The following HDAC2 variants were observed in gnomAD, a reference collection of about 807,000 sequenced individuals.
HDAC2 encodes histone deacetylase 2.
A neutral mutation model predicts 68.5 loss-of-function variants in HDAC2; 5 were observed. The ratio of observed to expected loss-of-function variants is 0.07; its 90% CI spans 0.04 to 0.15. The LOEUF (loss-of-function observed/expected upper bound fraction) is 0.15. Ranked by LOEUF, HDAC2 falls within the 10% of genes least tolerant of loss-of-function variation. HDAC2 has a pLI of 1.00. For synonymous variants in HDAC2, 182 were observed against 191.3 expected (o/e 0.95, Z 0.40); for missense variants, 291 against 600.8 (o/e 0.48, Z 5.39).
intron 2 of HDAC2, among the ~76,000 whole-genome samples, chr6:113,959,193 T>C (rs1329588770): frequency 6.6e-6 from 1 of 152,130 alleles, no homozygotes. Context: ...ATCTTCCTTG[T>C]TCCGAAGAGC....
chr6:113,962,438 G>T, intron 1 of HDAC2: 1 of 500,974 alleles, frequency 2.0e-6, no homozygotes, highest in Non-Finnish European at 2.6e-6. Flanking sequence ...TTTAAATAAA[G>T]GCTTAGGGTC....
chr6:113,946,098 T>C lies in HDAC2; in HGVS notation c.892A>G (p.Met298Val). 3 of 1,612,966 alleles carry C rather than the reference T, an allele frequency of 1.9e-6. No individual in the cohort carries two copies. Among genetic ancestry groups the C allele is most frequent in the South Asian group, 1.1e-5 (1 of 91,074 alleles). Residue 298 changes from methionine (M) to valine (V), a missense_variant, in exon 9 of 14, where the codon ATG (methionine) becomes GTG (valine). Transcript: ENST00000519065. ...ATTGTGTAGCCACCTCCTCCAAGCATCAGTAATGGTAAGTTAAAAGTTTTT... is the reference window on the plus strand; with the variant it reads ...ATTGTGTAGCCACCTCCTCCAAGCACCAGTAATGGTAAGTTAAAAGTTTTT... ...VVKTFNLPLL[M>V]LGGGGYTIRN... is the part of the protein sequence containing the mutation.
chr6:113,965,570 G>A (rs868245672), intron 1 of HDAC2, among the ~76,000 whole-genome samples: 4 of 151,888 alleles, frequency 2.6e-5, no homozygotes, highest in Non-Finnish European at 4.4e-5. Flanking sequence ...AGAGGGTTTC[G>A]CCATGTTGGC....
chr6:113,944,777 A>T (rs893673512), intron 10 of HDAC2, among the ~76,000 whole-genome samples: 1 of 152,214 alleles, frequency 6.6e-6, no homozygotes, highest in African/African-American at 2.4e-5. Context: ...TACAAGCATA[A>T]GCCACCTTGA....
At chr6:113,964,854 T>G (rs189902043) in intron 1 of HDAC2, among the ~76,000 whole-genome samples, 32 of 152,350 alleles carry the variant, frequency 2.1e-4, no homozygotes, top group Non-Finnish European at 1.0e-4. Context: ...ACCACCTAAC[T>G]GCTCAATCCA....
At chr6:113,957,871 C>G (rs915818781) in intron 3 of HDAC2, among the ~76,000 whole-genome samples, 3 of 151,848 alleles carry the variant, frequency 2.0e-5, no homozygotes, top group Non-Finnish European at 4.4e-5. Context: ...CTACTCATGC[C>G]TCTTTTGCAT....
chr6:113,962,361 A>G (rs759655235), intron 1 of HDAC2: 1 of 907,028 alleles, frequency 1.1e-6, no homozygotes, highest in Non-Finnish European at 1.3e-6. Flanking sequence ...TGTCAAGGAC[A>G]CTTACAGATT....
At chr6:113,963,425 C>G (rs12660414) in intron 1 of HDAC2, among the ~76,000 whole-genome samples, 33,998 of 152,024 alleles carry the variant, frequency 0.22, 3,992 homozygotes, top group East Asian at 0.3. Context: ...AGTTTTAAGA[C>G]CCTACAATTT....
chr6:113,943,660 G>A (rs1446580032), intron 11 of HDAC2, among the ~76,000 whole-genome samples, 154 bp from the exon 12 acceptor site: 1 of 152,060 alleles, frequency 6.6e-6, no homozygotes. Context: ...TGGAATGAAT[G>A]GTTTATTTAA....
At chr6:113,941,206 G>T in intron 13 of HDAC2, 118 bp from the exon 14 acceptor site, 2 of 643,818 alleles carry the variant, frequency 3.1e-6, no homozygotes, top group Non-Finnish European at 2.6e-6. Context: ...AATTGATAAT[G>T]TCTTAAGTGT....
In HDAC2 at chr6:113,934,145, A is replaced by C. The variant is rs1775948618; in HGVS notation, c.*6913T>G. 6.6e-6 allele frequency: 1 copy of C among 152,200 alleles called. No homozygotes were observed. Among genetic ancestry groups the C allele is most frequent in the Non-Finnish European group, 1.5e-5 (1 of 68,034 alleles). The allele number at this position is 152,200 out of a possible 1,614,324, so 9.4% of individuals were successfully genotyped here. On this transcript the variant is annotated 3_prime_UTR_variant, in exon 14 of 14. Transcript: ENST00000519065. ...TAGATTTCATACCTATTACACATAA[A>C]GATATAAAGGCATATTTTGGACTTT...
intron 12 of HDAC2, 92 bp downstream of exon 12, chr6:113,943,259 T>C: frequency 1.0e-6 from 1 of 952,978 alleles, no homozygotes; most frequent in South Asian, 1.7e-5. Context: ...CTGATACCTG[T>C]GCAACTGACT....
rs1776261512 is a variant in HDAC2 at position 113,946,258 on chromosome 6, C to G, written c.842-110G>C. ...ATGTTACTCAACCAAAATGGGTTTT[C>G]TAAATATTTTAAAAACAAATAAAAA... On this transcript the variant is annotated intron_variant, in intron 8 of 13. Transcript: ENST00000519065. 3 of 791,502 alleles carry G rather than the reference C, an allele frequency of 3.8e-6. No homozygotes were observed. The South Asian group carries it at 7.0e-5, about 18-fold the overall frequency. 49.0% of individuals were successfully genotyped at this position (791,502 alleles called of 1,614,324 possible).
intron 10 of HDAC2, 56 bp from the exon 11 acceptor site, chr6:113,944,466 CATGCAAGAGA>C (rs1215482562): frequency 3.4e-6 from 5 of 1,462,458 alleles, no homozygotes; most frequent in Non-Finnish European, 4.8e-6. Context: ...GCAGTTCTTA[CATGCAAGAGA>C]AAATATTTAG....
intron 1 of HDAC2, chr6:113,968,651 T>A (rs1776886763): frequency 6.6e-6 from 1 of 152,168 alleles, no homozygotes; most frequent in African/African-American, 2.4e-5. Flanking sequence ...TTCCAAACTA[T>A]CAGCTATTCA....
At chr6:113,961,626 T>C (rs1370152402) in intron 1 of HDAC2, among the ~76,000 whole-genome samples, 1 of 152,148 alleles carries the variant, frequency 6.6e-6, no homozygotes, top group Non-Finnish European at 1.5e-5. Context: ...CATAAAGCTC[T>C]ACCTTACATG....
intron 8 of HDAC2, chr6:113,947,944 C>A (rs970954684): frequency 1.3e-5 from 2 of 152,146 alleles, no homozygotes; most frequent in Non-Finnish European, 2.9e-5. Flanking sequence ...AGCACACTGT[C>A]AACTTGCTAC....
At position 113,936,361 on chromosome 6, in the gene HDAC2, T is replaced by G. The variant is rs1387600536; in HGVS notation, c.*4697A>C. The G allele has an allele frequency of 6.6e-6, 1 of 151,856 alleles. No homozygotes were observed. Among genetic ancestry groups the G allele is most frequent in the African/African-American group, 2.4e-5 (1 of 41,380 alleles). The allele number at this position is 151,856 out of a possible 1,614,324, so 9.4% of individuals were successfully genotyped here. ...CTTCTAAATGCTGTAATCCTAAACATTTCTCCGCATTGCTCATGTAAATAG... is the reference window on the plus strand; with the variant it reads ...CTTCTAAATGCTGTAATCCTAAACAGTTCTCCGCATTGCTCATGTAAATAG... On this transcript the variant is annotated 3_prime_UTR_variant, in exon 14 of 14. Transcript: ENST00000519065.
At chr6:113,968,332 T>A (rs946404832) in intron 1 of HDAC2, 8 of 152,200 alleles carry the variant, frequency 5.3e-5, no homozygotes, top group African/African-American at 1.9e-4. Context: ...TTATATACCT[T>A]AAAGTCACGA....
Sources: allele counts gnomAD v4.1 joint callset (sites outside exome capture counted in the v4.1 genomes callset), GRCh38; gene constraint gnomAD v4.1.1; transcripts MANE v1.5; gene names NCBI Gene and HGNC (gene_info 2026-07-23, HGNC 2026-07-21).